TRAPPC9: variants seen among roughly 807,000 people sequenced by gnomAD.
TRAPPC9 encodes the protein IKK2 binding protein.
Under a neutral mutation model 124.0 loss-of-function variants are expected in TRAPPC9, and 83 were observed. That is an observed-to-expected ratio of 0.67 (90% CI 0.56 to 0.80). TRAPPC9 has a LOEUF of 0.80. TRAPPC9 is among the 30% of genes least tolerant of loss of function. The pLI, the probability that TRAPPC9 is intolerant of heterozygous loss-of-function variation, is 0.00. For missense variants in TRAPPC9, 1,302 were observed against 1,508.3 expected, an observed-to-expected ratio of 0.86 and a Z score of 2.27; for synonymous variants, 638 against 617.5, an observed-to-expected ratio of 1.03 and a Z score of -0.49.
At chr8:140,033,657 G>GT (rs1491525674) in intron 17 of TRAPPC9, among the ~76,000 whole-genome samples, 13 of 49,304 alleles carry the variant, frequency 2.6e-4, no homozygotes, top group Admixed American at 6.2e-4. Context: ...TTCATAATGT[G>GT]GTTTTTTTTT....
chr8:139,890,935 G>A (rs1285088830), intron 20 of TRAPPC9, among the ~76,000 whole-genome samples: 2 of 150,832 alleles, frequency 1.3e-5, no homozygotes, highest in Non-Finnish European at 3.0e-5. Flanking sequence ...AGAAGGGACC[G>A]CTGTTCAGCT....
At chr8:140,327,533 G>A (rs2066771133) in intron 9 of TRAPPC9, among the ~76,000 whole-genome samples, 1 of 152,130 alleles carries the variant, frequency 6.6e-6, no homozygotes, top group Non-Finnish European at 1.5e-5. Flanking sequence ...CTGATGAACA[G>A]ATAAACAAAA....
At chr8:140,041,638 A>G (rs1841282801) in intron 17 of TRAPPC9, among the ~76,000 whole-genome samples, 1 of 152,220 alleles carries the variant, frequency 6.6e-6, no homozygotes, top group South Asian at 2.1e-4. Context: ...TGGCGGTCAC[A>G]CCATCCTGGG....
chr8:140,046,435 G>A (rs1294271373), intron 17 of TRAPPC9, among the ~76,000 whole-genome samples: 1 of 152,218 alleles, frequency 6.6e-6, no homozygotes, highest in African/African-American at 2.4e-5. Flanking sequence ...CCCCACAGCC[G>A]CCGACTCCCT....
At chr8:140,127,772 A>G (rs1295145099) in intron 17 of TRAPPC9, among the ~76,000 whole-genome samples, 1 of 152,266 alleles carries the variant, frequency 6.6e-6, no homozygotes, top group Non-Finnish European at 1.5e-5. Flanking sequence ...GCTCCTATAC[A>G]GAAACTAGCA....
chr8:139,871,455 G>T (rs1828894078), intron 21 of TRAPPC9, among the ~76,000 whole-genome samples: 1 of 152,156 alleles, frequency 6.6e-6, no homozygotes, highest in Non-Finnish European at 1.5e-5. Flanking sequence ...TCCTGCTGGA[G>T]GGTCTGCCCC....
intron 17 of TRAPPC9, among the ~76,000 whole-genome samples, chr8:140,159,399 C>T (rs889960678): frequency 5.9e-5 from 9 of 152,130 alleles, no homozygotes; most frequent in Admixed American, 3.3e-4. Context: ...TATTGACCAT[C>T]GCCCATGCAA....
chr8:140,101,533 TTTTTTTTG>T (rs1563762520), intron 17 of TRAPPC9, among the ~76,000 whole-genome samples: 6 of 80,482 alleles, frequency 7.5e-5, no homozygotes, highest in East Asian at 1.4e-3. Flanking sequence ...TAGGGTTTTC[TTTTTTTTG>T]TTTTTTTTTT....
intron 17 of TRAPPC9, 36 bp downstream of exon 17, chr8:140,221,423 G>A (rs200171290): frequency 3.5e-5 from 57 of 1,612,930 alleles, no homozygotes; most frequent in East Asian, 4.5e-5. Context: ...AAGCCCGAAC[G>A]GCACGTGGCA....
At chr8:139,941,545 T>G (rs1027176006) in intron 19 of TRAPPC9, among the ~76,000 whole-genome samples, 1 of 152,198 alleles carries the variant, frequency 6.6e-6, no homozygotes, top group Non-Finnish European at 1.5e-5. Context: ...GCCCTCATCC[T>G]GTTTAGCCTT....
At chr8:139,803,071 T>C (rs1249743561) in intron 21 of TRAPPC9, among the ~76,000 whole-genome samples, 1 of 152,162 alleles carries the variant, frequency 6.6e-6, no homozygotes, top group Non-Finnish European at 1.5e-5. Context: ...CGTGTGACTG[T>C]GCTGCGTGCT....
In TRAPPC9 at chr8:140,397,728, C is replaced by T. The variant is rs528380067; in HGVS notation, c.1026G>A (p.Val342=). ...SYYSKYKNAG[V]IELEACIKAV... ...CCTTGATGCACGCTTCCAACTCAATCACTCCCGCATTCTTATACTGCAGGG... is the reference window on the plus strand; with the variant it reads ...CCTTGATGCACGCTTCCAACTCAATTACTCCCGCATTCTTATACTGCAGGG... Residue 342 remains valine (V), a synonymous_variant, in exon 7 of 23, where the codon GTG becomes GTA. Transcript: ENST00000438773. 2.5e-6 allele frequency: 4 copies of T among 1,614,170 alleles called. No individual in the cohort carries two copies. Among genetic ancestry groups the T allele is most frequent in the African/African-American group, 2.7e-5 (2 of 75,062 alleles).
chr8:139,761,875 G>C (rs1563794676), intron 21 of TRAPPC9, among the ~76,000 whole-genome samples: 1 of 151,560 alleles, frequency 6.6e-6, no homozygotes, highest in African/African-American at 2.4e-5. Flanking sequence ...GTGTGCATCT[G>C]CTTCTTCTGC....
chr8:140,004,928 T>C (rs1838650803), intron 18 of TRAPPC9, among the ~76,000 whole-genome samples: 1 of 152,194 alleles, frequency 6.6e-6, no homozygotes, highest in South Asian at 2.1e-4. Context: ...ATTCATGTGG[T>C]CTTTTAAAAT....
At chr8:139,985,650 C>G (rs189296630) in intron 19 of TRAPPC9, among the ~76,000 whole-genome samples, 1 of 152,236 alleles carries the variant, frequency 6.6e-6, no homozygotes, top group Non-Finnish European at 1.5e-5. Context: ...CCATAAATGT[C>G]CCCCAAGCCA....
In TRAPPC9 at chr8:139,784,608, CATATATATATATATAT is replaced by C. The variant is rs34583867; in HGVS notation, c.3056-52422_3056-52407del. 1.5e-3 allele frequency among the ~76,000 whole-genome samples: 135 copies of C among 88,656 alleles called. 5 individuals carry two copies. Among genetic ancestry groups the C allele is most frequent in the South Asian group, 0.011 (25 of 2,232 alleles). The allele number at this position is 88,656 out of a possible 152,430, so 58.2% of individuals were successfully genotyped here. A position where few individuals can be genotyped will look rare whatever the true frequency, so the allele number is the denominator to read the frequency against. The stretch of plus-strand genomic sequence containing the variant: ...AATAAATAAATAAATAAAAGACTGA[CATATATATATATATAT>C]ATATATATATATATATATATAAATC... On this transcript the variant is annotated intron_variant, in intron 21 of 22. Transcript: ENST00000438773.
intron 17 of TRAPPC9, among the ~76,000 whole-genome samples, chr8:140,072,549 AGAG>A (rs144132936): frequency 0.15 from 17,058 of 115,502 alleles, 1,140 homozygotes; most frequent in African/African-American, 0.2. Flanking sequence ...AGGAGGAGGA[AGAG>A]GAGGAGGAGG....
chr8:140,364,228 T>C (rs965607724), intron 8 of TRAPPC9, among the ~76,000 whole-genome samples: 2 of 149,100 alleles, frequency 1.3e-5, no homozygotes, highest in African/African-American at 5.0e-5. Context: ...CTAAGATAAC[T>C]TGCATAGAGC....
chr8:140,057,954 G>A (rs374799110), intron 17 of TRAPPC9, among the ~76,000 whole-genome samples: 2 of 152,168 alleles, frequency 1.3e-5, no homozygotes, highest in Non-Finnish European at 2.9e-5. Context: ...GCCAGTCTCC[G>A]ACCACCTGCA....
Sources: allele counts gnomAD v4.1 joint callset (sites outside exome capture counted in the v4.1 genomes callset), GRCh38; gene constraint gnomAD v4.1.1; transcripts MANE v1.5; gene names NCBI Gene and HGNC (gene_info 2026-07-23, HGNC 2026-07-21).